LRP5: variants seen among roughly 807,000 people sequenced by gnomAD.
LRP5 encodes the protein LDL receptor related protein 5.
In LRP5, 62 loss-of-function variants were observed where a neutral mutation model predicts 154.1. The observed-to-expected ratio is 0.40, with a 90% confidence interval of 0.33 to 0.50. The LOEUF is 0.50. LRP5 is among the 20% of genes least tolerant of loss of function. The pLI is 0.55. For missense variants in LRP5, 1,915 were observed against 2,336.7 expected, an observed-to-expected ratio of 0.82 and a Z score of 3.72; for synonymous variants, 966 against 1,011.5, an observed-to-expected ratio of 0.96 and a Z score of 0.85.
rs986186595 is a variant in LRP5, at chr11:68,396,118, G to A, written c.1584+6066G>A. ...GCTGCTGGGGTTGTGGTGGCTTCTGGGGACTCTGGGGACAGCTGAGGTGCA... is the reference window on the plus strand; with the variant it reads ...GCTGCTGGGGTTGTGGTGGCTTCTGAGGACTCTGGGGACAGCTGAGGTGCA... On this transcript the variant is annotated intron_variant, in intron 7 of 22. Transcript: ENST00000294304. Among the ~76,000 whole-genome samples, 11 of 152,182 alleles carry A rather than the reference G, an allele frequency of 7.2e-5. No individual in the cohort carries two copies. The East Asian group carries it at 2.1e-3, about 29-fold the overall frequency.
intron 1 of LRP5, among the ~76,000 whole-genome samples, chr11:68,324,094 G>A (rs377651789): frequency 5.9e-5 from 9 of 152,266 alleles, no homozygotes; most frequent in East Asian, 1.9e-4. Flanking sequence ...GGTGCCGTCC[G>A]CTGCGTCTGC....
At chr11:68,392,229 C>T (rs1167012948) in intron 7 of LRP5, among the ~76,000 whole-genome samples, 3 of 152,170 alleles carry the variant, frequency 2.0e-5, no homozygotes, top group African/African-American at 7.2e-5. Context: ...TCAGGCTGGG[C>T]GTGGTGGCTT....
chr11:68,307,087 CAGG>C, the LRP5 span, among the ~76,000 whole-genome samples: 635 of 152,170 alleles, frequency 4.2e-3, 5 homozygotes, highest in African/African-American at 0.014. Context: ...GAGGCTGAGG[CAGG>C]AGAATTGCTT....
At chr11:68,436,859 CCT>C (rs2098675278) in intron 18 of LRP5, 28 bp from the exon 19 acceptor site, 1 of 1,565,574 alleles carries the variant, frequency 6.4e-7, no homozygotes, top group African/African-American at 1.4e-5. Context: ...CACCCTCCAG[CCT>C]CTCTGAGTGC....
At chr11:68,325,086 C>T (rs1291266236) in intron 1 of LRP5, among the ~76,000 whole-genome samples, 2 of 152,202 alleles carry the variant, frequency 1.3e-5, no homozygotes, top group Non-Finnish European at 2.9e-5. Context: ...AGCGGGATAC[C>T]ACCACGCCCA....
At chr11:68,398,998 C>T (rs948502837) in intron 7 of LRP5, among the ~76,000 whole-genome samples, 8 of 152,166 alleles carry the variant, frequency 5.3e-5, no homozygotes, top group African/African-American at 1.4e-4. Flanking sequence ...ATTACAGGCT[C>T]GAGCCACGGA....
At chr11:68,365,406 T>C (rs1347480460) in intron 4 of LRP5, among the ~76,000 whole-genome samples, 165 bp from the exon 5 acceptor site, 3 of 151,312 alleles carry the variant, frequency 2.0e-5, no homozygotes, top group African/African-American at 7.3e-5. Context: ...ATGAGGCAGG[T>C]GGAATGGTGC....
chr11:68,315,408 G>C (rs1238812713), intron 1 of LRP5, among the ~76,000 whole-genome samples: 1 of 152,240 alleles, frequency 6.6e-6, no homozygotes, highest in Non-Finnish European at 1.5e-5. Context: ...AGCCCTCGGG[G>C]GCAGGAGTAG....
intron 6 of LRP5, 31 bp from the exon 7 acceptor site, chr11:68,389,850 A>C (rs1379786711): frequency 1.2e-6 from 2 of 1,613,846 alleles, no homozygotes; most frequent in South Asian, 2.2e-5. Flanking sequence ...AGACAGACTC[A>C]TGGGGTCATG....
intron 13 of LRP5, among the ~76,000 whole-genome samples, chr11:68,420,981 C>G (rs767300302): frequency 5.3e-4 from 80 of 152,286 alleles, no homozygotes; most frequent in Non-Finnish European, 1.0e-3. Flanking sequence ...AATCCCAGCA[C>G]TTTGGGAGGC....
chr11:68,368,481 GTAGTCA>G (rs1188839320), intron 5 of LRP5, among the ~76,000 whole-genome samples: 7 of 152,264 alleles, frequency 4.6e-5, no homozygotes, highest in Non-Finnish European at 1.0e-4. Flanking sequence ...TGTGACCTGT[GTAGTCA>G]TATGAGGTGA....
At chr11:68,444,773 G>A (rs567341790) in intron 21 of LRP5, among the ~76,000 whole-genome samples, 1 of 152,200 alleles carries the variant, frequency 6.6e-6, no homozygotes, top group South Asian at 2.1e-4. Context: ...GGGAAGAGGT[G>A]GAAACAGACC....
chr11:68,427,284 T>C (rs1405866734), intron 16 of LRP5, among the ~76,000 whole-genome samples: 1 of 152,170 alleles, frequency 6.6e-6, no homozygotes, highest in Non-Finnish European at 1.5e-5. Context: ...CCTCCACAGC[T>C]GGGACCACAG....
intron 13 of LRP5, 66 bp downstream of exon 13, chr11:68,416,593 C>A: frequency 6.8e-7 from 1 of 1,466,196 alleles, no homozygotes; most frequent in Non-Finnish European, 9.5e-7. Context: ...GGTTTCCAGG[C>A]TGCTGCCCCT....
intron 1 of LRP5, among the ~76,000 whole-genome samples, chr11:68,320,986 A>G (rs971916930): frequency 1.3e-5 from 2 of 151,256 alleles, no homozygotes; most frequent in African/African-American, 4.9e-5. Context: ...CAGATTATAA[A>G]TATATCCTCC....
chr11:68,357,418 A>G (rs190528382), intron 2 of LRP5, among the ~76,000 whole-genome samples: 42 of 152,338 alleles, frequency 2.8e-4, no homozygotes, highest in Admixed American at 2.6e-3. Flanking sequence ...CTTTCTATCC[A>G]CAAGAAGGGA....
chr11:68,445,173 C>T (rs113307519), intron 21 of LRP5, among the ~76,000 whole-genome samples: 23,050 of 152,126 alleles, frequency 0.15, 1,885 homozygotes, highest in Middle Eastern at 0.3. Context: ...GATCTCAACC[C>T]ACTGCAGCCT....
chr11:68,345,226 C>T (rs901224123), intron 1 of LRP5, among the ~76,000 whole-genome samples: 8 of 151,882 alleles, frequency 5.3e-5, no homozygotes, highest in African/African-American at 1.2e-4. Flanking sequence ...GATTTTGCCC[C>T]GCTATTCATC....
intron 5 of LRP5, among the ~76,000 whole-genome samples, chr11:68,374,201 G>A (rs992793514): frequency 2.0e-5 from 3 of 152,340 alleles, no homozygotes; most frequent in South Asian, 2.1e-4. Flanking sequence ...TGGAGCCGAC[G>A]GCAAAGCCCC....
Sources: gnomAD v4.1 joint callset for allele counts (sites outside exome capture counted in the v4.1 genomes callset) on GRCh38, gnomAD v4.1.1 for gene constraint, MANE v1.5 for transcripts, NCBI Gene and HGNC (gene_info 2026-07-23, HGNC 2026-07-21) for gene names.